ATG7: variants seen among roughly 807,000 people sequenced by gnomAD.
ATG7 encodes the protein autophagy related 7, also known as ubiquitin-like modifier-activating enzyme ATG7.
In ATG7, 70 loss-of-function variants were observed where a neutral mutation model predicts 82.4. The ratio of observed to expected loss-of-function variants is 0.85; its 90% CI spans 0.70 to 1.04. The LOEUF (loss-of-function observed/expected upper bound fraction) is 1.04, where lower values mean the gene tolerates loss of function less well. Ranked by LOEUF, ATG7 falls within the 50% of genes least tolerant of loss-of-function variation. The pLI, the probability that ATG7 is intolerant of heterozygous loss-of-function variation, is 0.00. For missense variants in ATG7, 792 were observed against 864.3 expected (o/e 0.92, Z 1.05); for synonymous variants, 287 against 313.0 (o/e 0.92, Z 0.88).
At chr3:11,348,319 A>C in intron 14 of ATG7, 1 of 349,310 alleles carries the variant, frequency 2.9e-6, no homozygotes, top group South Asian at 3.6e-5. Flanking sequence ...GGACCTTCGC[A>C]GTGAGTGTTA....
At chr3:11,317,446 ATCTTT>A (rs1457385463) in intron 9 of ATG7, among the ~76,000 whole-genome samples, 5 of 152,192 alleles carry the variant, frequency 3.3e-5, no homozygotes, top group African/African-American at 1.2e-4. Context: ...CACATACTTG[ATCTTT>A]TTATGATAAG....
intron 3 of ATG7, among the ~76,000 whole-genome samples, chr3:11,290,921 G>A (rs980294450): frequency 6.6e-6 from 1 of 152,126 alleles, no homozygotes; most frequent in African/African-American, 2.4e-5. Flanking sequence ...CTTACCAAGT[G>A]ATCCACCCAC....
downstream of ATG7, chr3:11,559,604 C>G (rs1401527632): frequency 8.0e-7 from 1 of 1,244,650 alleles, no homozygotes; most frequent in Non-Finnish European, 1.1e-6. Context: ...AGTCCTGTTG[C>G]TAAACACAGC....
chr3:11,376,676 G>T (rs969970411), intron 18 of ATG7, among the ~76,000 whole-genome samples: 1 of 152,152 alleles, frequency 6.6e-6, no homozygotes, highest in East Asian at 1.9e-4. Context: ...TGGAAAGGTG[G>T]GTTGGGCCCA....
intron 19 of ATG7, among the ~76,000 whole-genome samples, chr3:11,419,877 G>A (rs1405582923): frequency 6.6e-6 from 1 of 152,098 alleles, no homozygotes; most frequent in African/African-American, 2.4e-5. Flanking sequence ...GAAAATCATG[G>A]ATTATGAAAG....
chr3:11,310,313 C>T (rs1948446476), intron 7 of ATG7, among the ~76,000 whole-genome samples: 1 of 152,124 alleles, frequency 6.6e-6, no homozygotes. Flanking sequence ...TGTGCTGTTT[C>T]ACCACAGCAT....
chr3:11,568,698 T>C, the ATG7 span: 1 of 1,550,404 alleles, frequency 6.4e-7, no homozygotes, highest in South Asian at 1.2e-5. The surrounding 1 kb of genome is among the most constrained non-coding windows in gnomAD (Gnocchi z 5.9). Flanking sequence ...CGGCCACTGC[T>C]TCCCAGGCGT....
intron 20 of ATG7, among the ~76,000 whole-genome samples, chr3:11,438,288 A>C (rs1410757370): frequency 6.6e-6 from 1 of 152,154 alleles, no homozygotes; most frequent in Non-Finnish European, 1.5e-5. Context: ...CAGGGTCCCC[A>C]ATGGTGGAGG....
chr3:11,425,924 T>C (rs2152941261), intron 19 of ATG7, among the ~76,000 whole-genome samples: 1 of 152,356 alleles, frequency 6.6e-6, no homozygotes, highest in East Asian at 1.9e-4. Flanking sequence ...CTTCTTTCTT[T>C]TGTGTAACAT....
At chr3:11,317,463 C>T (rs1188581121) in intron 9 of ATG7, among the ~76,000 whole-genome samples, 1 of 151,934 alleles carries the variant, frequency 6.6e-6, no homozygotes, top group Non-Finnish European at 1.5e-5. Context: ...TATGATAAGT[C>T]TGTGAAACAA....
At chr3:11,575,241 C>A in the ATG7 span, among the ~76,000 whole-genome samples, 1 of 152,202 alleles carries the variant, frequency 6.6e-6, no homozygotes, top group Admixed American at 6.5e-5. Context: ...GGCGGCCGCA[C>A]TGAGTGCTGT....
At chr3:11,404,125 A>ATTTTTTTTTTTTTTTT (rs10591303) in intron 19 of ATG7, among the ~76,000 whole-genome samples, 1 of 76,938 alleles carries the variant, frequency 1.3e-5, no homozygotes, top group Non-Finnish European at 2.3e-5. Context: ...AACCAGCTCA[A>ATTTTTTTTTTTTTTTT]TTTTTTTTTT....
chr3:11,329,391 C>T (rs1017643195), intron 9 of ATG7, among the ~76,000 whole-genome samples: 2 of 152,064 alleles, frequency 1.3e-5, no homozygotes, highest in African/African-American at 4.8e-5. Context: ...AATTTATCAG[C>T]CGTGTTTTCA....
At chr3:11,397,232 A>G (rs1452449699) in intron 19 of ATG7, among the ~76,000 whole-genome samples, 1 of 152,210 alleles carries the variant, frequency 6.6e-6, no homozygotes. Context: ...ATATTTTAGT[A>G]TTGAATTTTC....
At chr3:11,382,027 TGTTGTTTCAAAA>T (rs1401152676) in intron 19 of ATG7, among the ~76,000 whole-genome samples, 1 of 152,174 alleles carries the variant, frequency 6.6e-6, no homozygotes. Context: ...ATGTCATAGT[TGTTGTTTCAAAA>T]GATTGGGGCT....
intron 9 of ATG7, among the ~76,000 whole-genome samples, chr3:11,317,173 A>G (rs1038785118): frequency 2.6e-5 from 4 of 152,162 alleles, no homozygotes; most frequent in Admixed American, 6.5e-5. Context: ...AGGACTGAAG[A>G]TTGAATTTTT....
At chr3:11,433,015 GGT>G in intron 20 of ATG7, among the ~76,000 whole-genome samples, 1 of 152,084 alleles carries the variant, frequency 6.6e-6, no homozygotes, top group African/African-American at 2.4e-5. Flanking sequence ...ATTTGGGATG[GGT>G]ACAGTGGCTT....
intron 19 of ATG7, among the ~76,000 whole-genome samples, chr3:11,416,940 G>C (rs1298126413): frequency 6.6e-6 from 1 of 151,980 alleles, no homozygotes; most frequent in Non-Finnish European, 1.5e-5. Flanking sequence ...TTTATCTTGA[G>C]ATTTTTTATT....
intron 20 of ATG7, among the ~76,000 whole-genome samples, chr3:11,462,434 A>G (rs2086400050): frequency 6.6e-6 from 1 of 152,192 alleles, no homozygotes; most frequent in Non-Finnish European, 1.5e-5. Flanking sequence ...GGCAGAAGAC[A>G]GGAGCAAGGG....
Sources: allele counts gnomAD v4.1 joint callset (sites outside exome capture counted in the v4.1 genomes callset), GRCh38; gene constraint gnomAD v4.1.1; non-coding constraint Gnocchi (gnomAD v3.1); transcripts MANE v1.5; gene names NCBI Gene and HGNC (gene_info 2026-07-23, HGNC 2026-07-21).